Variants in LUZP2 observed in about 807,000 individuals in gnomAD.
LUZP2 encodes the protein leucine zipper protein 2.
A neutral mutation model predicts 51.6 loss-of-function variants in LUZP2; 52 were observed. The observed-to-expected ratio is 1.01, with a 90% CI of 0.81 to 1.27. The LOEUF (loss-of-function observed/expected upper bound fraction) is 1.27, where lower values mean the gene tolerates loss of function less well. LUZP2 is among the 50% of genes most tolerant of loss of function. LUZP2 has a pLI of 0.00. For missense variants in LUZP2, 436 were observed against 395.4 expected, an observed-to-expected ratio of 1.10 and a Z score of -0.87; for synonymous variants, 154 against 137.3, an observed-to-expected ratio of 1.12 and a Z score of -0.85.
At chr11:24,778,133 G>A (rs1848991762) in intron 5 of LUZP2, among the ~76,000 whole-genome samples, 1 of 152,144 alleles carries the variant, frequency 6.6e-6, no homozygotes, top group Non-Finnish European at 1.5e-5. Flanking sequence ...GGGCACAGTG[G>A]CTCATGCCTG....
chr11:24,786,434 G>T, intron 5 of LUZP2: 1 of 981,934 alleles, frequency 1.0e-6, no homozygotes, highest in Non-Finnish European at 1.2e-6. Context: ...ATTTTTCATG[G>T]TACCAAAAAT....
At chr11:24,605,793 T>A (rs1853897001) in intron 1 of LUZP2, among the ~76,000 whole-genome samples, 1 of 151,856 alleles carries the variant, frequency 6.6e-6, no homozygotes, top group Non-Finnish European at 1.5e-5. Flanking sequence ...TCATGCAATA[T>A]GTTAGGTCTC....
chr11:24,991,388 GTGTGTGTGTA>G (rs1856334678), intron 9 of LUZP2, among the ~76,000 whole-genome samples: 1 of 64,998 alleles, frequency 1.5e-5, no homozygotes, highest in South Asian at 6.5e-4. Context: ...GTGTGTGTGT[GTGTGTGTGTA>G]TATATATATA....
chr11:24,740,447 G>A (rs986687248), intron 4 of LUZP2, among the ~76,000 whole-genome samples: 5 of 152,038 alleles, frequency 3.3e-5, no homozygotes, highest in African/African-American at 1.2e-4. Flanking sequence ...CTTGAGGGAA[G>A]CTTTCTCTTT....
intron 9 of LUZP2, among the ~76,000 whole-genome samples, chr11:25,000,255 G>C (rs1856642887): frequency 6.6e-6 from 1 of 152,108 alleles, no homozygotes. Context: ...GTCCCCACCT[G>C]ACCCAGAAGC....
intron 1 of LUZP2, among the ~76,000 whole-genome samples, chr11:24,646,771 A>G (rs7944164): frequency 0.18 from 28,043 of 152,010 alleles, 2,694 homozygotes; most frequent in East Asian, 0.32. Context: ...TCGCTGGATA[A>G]CATGCTTCTC....
At chr11:24,863,455 C>T (rs1279717218) in intron 5 of LUZP2, among the ~76,000 whole-genome samples, 3 of 151,990 alleles carry the variant, frequency 2.0e-5, no homozygotes, top group Non-Finnish European at 2.9e-5. Flanking sequence ...TCATATAAGA[C>T]CATATTTTTC....
chr11:24,525,161 CTTA>C (rs1850760366), intron 1 of LUZP2, among the ~76,000 whole-genome samples: 1 of 151,560 alleles, frequency 6.6e-6, no homozygotes, highest in African/African-American at 2.4e-5. Flanking sequence ...TTTATCATTT[CTTA>C]TTATTTCCTG....
intron 10 of LUZP2, among the ~76,000 whole-genome samples, chr11:25,064,784 C>G (rs910061987): frequency 3.3e-5 from 5 of 152,008 alleles, no homozygotes; most frequent in African/African-American, 1.2e-4. Context: ...GCACGTCACT[C>G]AAGGAACAGA....
chr11:24,736,159 AT>A (rs1176381759), intron 3 of LUZP2, among the ~76,000 whole-genome samples: 1 of 151,586 alleles, frequency 6.6e-6, no homozygotes, highest in East Asian at 1.9e-4. Flanking sequence ...AGAATGGGGG[AT>A]TTTTTTGGAA....
intron 4 of LUZP2, among the ~76,000 whole-genome samples, chr11:24,756,127 T>C (rs977437139): frequency 6.6e-6 from 1 of 152,196 alleles, no homozygotes; most frequent in Admixed American, 6.5e-5. Flanking sequence ...AAAGCTTAAC[T>C]GTTTTAATCA....
At chr11:24,798,092 T>G (rs1430914778) in intron 5 of LUZP2, among the ~76,000 whole-genome samples, 2 of 152,196 alleles carry the variant, frequency 1.3e-5, no homozygotes, top group African/African-American at 4.8e-5. Flanking sequence ...GCTCTGATGC[T>G]CTGTAAAATA....
chr11:24,684,769 G>A (rs918830749), intron 1 of LUZP2, among the ~76,000 whole-genome samples: 3 of 152,094 alleles, frequency 2.0e-5, no homozygotes, highest in African/African-American at 7.2e-5. Context: ...CAACTTAATT[G>A]GTTTCCTTTT....
chr11:24,583,282 A>G (rs1852939713), intron 1 of LUZP2, among the ~76,000 whole-genome samples: 1 of 152,218 alleles, frequency 6.6e-6, no homozygotes, highest in African/African-American at 2.4e-5. Flanking sequence ...CCAGCATACA[A>G]TGTGATTTCT....
intron 10 of LUZP2, among the ~76,000 whole-genome samples, chr11:25,052,333 C>T (rs1383088910): frequency 1.3e-5 from 2 of 152,158 alleles, no homozygotes; most frequent in Non-Finnish European, 2.9e-5. Flanking sequence ...ATAGTGTCAA[C>T]CGAAGAGTAC....
At chr11:25,058,091 G>A (rs972923262) in intron 10 of LUZP2, among the ~76,000 whole-genome samples, 1 of 151,192 alleles carries the variant, frequency 6.6e-6, no homozygotes, top group Non-Finnish European at 1.5e-5. Flanking sequence ...TGTCATTCTG[G>A]GCTACATTCC....
chr11:24,808,568 A>G (rs1198259704), intron 5 of LUZP2, among the ~76,000 whole-genome samples: 1 of 152,148 alleles, frequency 6.6e-6, no homozygotes, highest in Non-Finnish European at 1.5e-5. Flanking sequence ...TAAATTTTTT[A>G]TACTTTGATT....
rs975202415 is a variant in LUZP2, at chr11:24,543,873, G to A, written c.62+46568G>A. Among the ~76,000 whole-genome samples, 5 of 145,434 alleles carry A rather than the reference G, an allele frequency of 3.4e-5. 1 individual carries two copies. Among genetic ancestry groups the A allele is most frequent in the Admixed American group, 1.4e-4 (2 of 14,560 alleles). ...TGGATCAAGGGACTGCAATATTTCCGGGTAGCTATATTTAGGTATTGTTAA... is the reference window on the plus strand; with the variant it reads ...TGGATCAAGGGACTGCAATATTTCCAGGTAGCTATATTTAGGTATTGTTAA... On this transcript the variant is annotated intron_variant, in intron 1 of 11. Coordinates refer to ENST00000336930, the MANE Select transcript of LUZP2 (RefSeq NM_001009909.4).
Position 24,705,933 on chromosome 11 carries a change from G to GAAA in LUZP2, c.63-23224_63-23222dup, listed in dbSNP as rs71041793. 2.5e-3 allele frequency among the ~76,000 whole-genome samples: 309 copies of GAAA among 123,580 alleles called. 1 individual carries two copies. The highest frequency in any genetic ancestry group is 4.7e-3 in the East Asian group (20 of 4,272). 81.1% of individuals were successfully genotyped at this position (123,580 alleles called of 152,430 possible). On this transcript the variant is annotated intron_variant, in intron 1 of 11. Transcript: ENST00000336930. ...AATATGTGCTCATAGCGCTAAAAAA[G>GAAA]AAAAAAAAAAAAAAGGTGTGTCTGA...
Sources: gnomAD v4.1 joint callset for allele counts (sites outside exome capture counted in the v4.1 genomes callset) on GRCh38, gnomAD v4.1.1 for gene constraint, MANE v1.5 for transcripts, NCBI Gene and HGNC (gene_info 2026-07-23, HGNC 2026-07-21) for gene names.